The following NUDCD3 variants were observed in gnomAD, a reference collection of about 807,000 sequenced individuals.
The protein encoded by NUDCD3 is nudC domain-containing protein 3.
In NUDCD3, 13 loss-of-function variants were observed where a neutral mutation model predicts 39.7. The ratio of observed to expected loss-of-function variants is 0.33; its 90% CI spans 0.21 to 0.52. The LOEUF (loss-of-function observed/expected upper bound fraction) is 0.52. NUDCD3 is among the 20% of genes least tolerant of loss of function. NUDCD3 has a pLI of 0.96. For synonymous variants in NUDCD3, 175 were observed against 172.4 expected (o/e 1.02, Z -0.12); for missense variants, 453 against 458.1 (o/e 0.99, Z 0.10).
chr7:44,386,295 G>A (rs1477874689), intron 5 of NUDCD3, among the ~76,000 whole-genome samples, 174 bp from the exon 6 acceptor site: 1 of 152,188 alleles, frequency 6.6e-6, no homozygotes, highest in East Asian at 1.9e-4. Context: ...CTTCGACCAA[G>A]GGAGGTACTG....
At chr7:44,437,069 C>CTTTTTTTT (rs35904938) in intron 2 of NUDCD3, among the ~76,000 whole-genome samples, 4 of 117,278 alleles carry the variant, frequency 3.4e-5, no homozygotes, top group Admixed American at 8.8e-5. Context: ...CTTTTCTTTT[C>CTTTTTTTT]TTTTTTTTTT....
chr7:44,394,206 G>A (rs979463726), intron 4 of NUDCD3, among the ~76,000 whole-genome samples: 1 of 152,048 alleles, frequency 6.6e-6, no homozygotes, highest in Non-Finnish European at 1.5e-5. Flanking sequence ...CTGACATTCC[G>A]AATGCAGATA....
At chr7:44,461,606 T>C (rs995740062) in intron 2 of NUDCD3, among the ~76,000 whole-genome samples, 4 of 152,000 alleles carry the variant, frequency 2.6e-5, no homozygotes, top group African/African-American at 7.3e-5. Context: ...ACCTATACCA[T>C]TGAAAGTGAA....
At chr7:44,483,070 G>GTGTGTGTGTGTGTGTGTGTA (rs1248206212) in intron 2 of NUDCD3, among the ~76,000 whole-genome samples, 1 of 149,742 alleles carries the variant, frequency 6.7e-6, no homozygotes, top group Non-Finnish European at 1.5e-5. Context: ...CCTCCTAAGT[G>GTGTGTGTGTGTGTGTGTGTA]TGTGTGTGTG....
chr7:44,414,898 A>G (rs182155779), intron 3 of NUDCD3, among the ~76,000 whole-genome samples: 2 of 152,294 alleles, frequency 1.3e-5, no homozygotes, highest in African/African-American at 4.8e-5. Context: ...GCCATAAATG[A>G]CACACCTAGT....
intron 2 of NUDCD3, among the ~76,000 whole-genome samples, chr7:44,434,783 C>A (rs1270625993): frequency 2.6e-5 from 4 of 152,202 alleles, no homozygotes; most frequent in African/African-American, 9.7e-5. Context: ...CCCAGCTTCC[C>A]CGCACAGCAA....
intron 5 of NUDCD3, among the ~76,000 whole-genome samples, chr7:44,389,329 T>A (rs984113198): frequency 6.6e-6 from 1 of 152,184 alleles, no homozygotes; most frequent in African/African-American, 2.4e-5. Flanking sequence ...TTACCTGGAA[T>A]GAACAGACCT....
chr7:44,397,413 C>G (rs563645996), intron 4 of NUDCD3, among the ~76,000 whole-genome samples: 2 of 152,244 alleles, frequency 1.3e-5, no homozygotes, highest in South Asian at 4.1e-4. Context: ...CCAGACTGAC[C>G]ACTCTGCTGC....
Position 44,485,109 on chromosome 7 carries a change from T to A in NUDCD3, c.368A>T (p.Glu123Val), listed in dbSNP as rs201221635. The change falls in exon 2 of 6, where the codon GAA becomes GTA. Residue 123 changes from glutamate to valine, a missense_variant. Glu to Val is a moderately radical substitution (Grantham distance 121). Coordinates refer to ENST00000355451, the MANE Select transcript of NUDCD3 (RefSeq NM_015332.4). ...CTCTACTTCCTGATGCCCATCCAAT[T>A]CTGTGGTGGAGTCAATCTCTATTTC... is the stretch of plus-strand genomic sequence containing the variant. Reference protein sequence around the residue: ...VQEIEIDSTTELDGHQEVEKV... With the variant: ...VQEIEIDSTTVLDGHQEVEKV... The A allele has an allele frequency of 1.2e-3, 1,879 of 1,614,142 alleles. 19 individuals carry two copies. In the African/African-American group the frequency reaches 0.022, roughly 19 times the overall value.
At position 44,437,054 on chromosome 7, in the gene NUDCD3, TTTTTC is replaced by T. The variant is rs548771647; in HGVS notation, c.510-9356_510-9352del. 2.4e-3 allele frequency among the ~76,000 whole-genome samples: 360 copies of T among 150,452 alleles called. 4 individuals are homozygous for T. The highest frequency in any genetic ancestry group is 7.8e-3 in the African/African-American group (318 of 41,004). ...TTTATTCTCTACTTGTTATTACCCC[TTTTTC>T]TTTTCTTTTCTTTTTTTTTTTTTTT... On this transcript the variant is annotated intron_variant, in intron 2 of 5. Transcript: ENST00000355451.
intron 3 of NUDCD3, among the ~76,000 whole-genome samples, chr7:44,412,909 A>C (rs1237382458): frequency 1.4e-5 from 2 of 147,054 alleles, no homozygotes; most frequent in South Asian, 4.4e-4. Context: ...CCTGGGCGAC[A>C]GAGCGAGACG....
chr7:44,422,330 A>G lies in NUDCD3; in HGVS notation c.642+5241T>C, dbSNP rs1585068214. On this transcript the variant is annotated intron_variant, in intron 3 of 5. Transcript: ENST00000355451. Reference sequence around the variant, plus strand: ...AGATAGAGACATGAAAAACTCTTAGAAAAAAATCAATGAATCCAGGAGCTG... The same window carrying G: ...AGATAGAGACATGAAAAACTCTTAGGAAAAAATCAATGAATCCAGGAGCTG... Among the ~76,000 whole-genome samples, 6 of 152,260 alleles carry G rather than the reference A, an allele frequency of 3.9e-5. No homozygotes were observed. In the South Asian group the frequency reaches 8.3e-4, roughly 21 times the overall value.
chr7:44,440,888 T>C lies in NUDCD3; in HGVS notation c.510-13185A>G, dbSNP rs113906431. On this transcript the variant is annotated intron_variant, in intron 2 of 5. Coordinates refer to ENST00000355451, the MANE Select transcript of NUDCD3 (RefSeq NM_015332.4). ...CTCACCAACATGAGGCTATTAGTAA[T>C]ACCTGAGTTAACAGTTTCCTTCCCT... 2.3e-3 allele frequency among the ~76,000 whole-genome samples: 355 copies of C among 152,324 alleles called. 2 individuals carry two copies. Among genetic ancestry groups the C allele is most frequent in the African/African-American group, 7.9e-3 (327 of 41,568 alleles).
At chr7:44,435,884 C>CGTA (rs927148239) in intron 2 of NUDCD3, among the ~76,000 whole-genome samples, 1 of 152,186 alleles carries the variant, frequency 6.6e-6, no homozygotes, top group African/African-American at 2.4e-5. Context: ...GTCTGAATAC[C>CGTA]ACTTTACAAT....
rs1184616760 is a variant in NUDCD3 at position 44,490,427 on chromosome 7, C to A, written c.174G>T (p.Ala58=). Residue 58 remains alanine (A), a synonymous_variant, in exon 1 of 6, where the codon GCG becomes GCT. Transcript: ENST00000355451. ...GCCTCACCTGCAGCACCAAGGCCTG[C>A]GCGGCCCCGGGCGGGAAGCCCATGC... ...SDRMGFPPGA[A]QALVLQVFKT... is the part of the protein sequence containing the mutation. 6.3e-7 allele frequency: 1 copy of A among 1,576,164 alleles called. No individual in the cohort carries two copies. Among genetic ancestry groups the A allele is most frequent in the Non-Finnish European group, 8.6e-7 (1 of 1,162,080 alleles).
chr7:44,385,827 C>T lies in NUDCD3; in HGVS notation c.*184G>A. The T allele has an allele frequency of 1.7e-6, 1 of 586,976 alleles. No individual in the cohort carries two copies. Among genetic ancestry groups the T allele is most frequent in the Non-Finnish European group, 3.0e-6 (1 of 328,574 alleles). The allele number at this position is 586,976 out of a possible 1,614,324, so 36.4% of individuals were successfully genotyped here. ...GCGGCCACCACATAGCAGCTGGCCC[C>T]GCACCTTCTCTGGAACAGTCTGGAG... On this transcript the variant is annotated 3_prime_UTR_variant, in exon 6 of 6. Coordinates refer to ENST00000355451, the MANE Select transcript of NUDCD3 (RefSeq NM_015332.4).
chr7:44,416,508 TA>T (rs1362861906), intron 3 of NUDCD3, among the ~76,000 whole-genome samples: 1 of 148,334 alleles, frequency 6.7e-6, no homozygotes, highest in Non-Finnish European at 1.5e-5. Context: ...AAATAAAAAA[TA>T]AAAAAAATAA....
chr7:44,402,815 G>GT, intron 4 of NUDCD3: 1 of 404,100 alleles, frequency 2.5e-6, no homozygotes, highest in Non-Finnish European at 5.1e-6. Context: ...GCTCACTAGT[G>GT]TAATACAGGC....
chr7:44,463,275 C>A (rs767603078), intron 2 of NUDCD3, among the ~76,000 whole-genome samples: 1 of 152,154 alleles, frequency 6.6e-6, no homozygotes, highest in Non-Finnish European at 1.5e-5. Context: ...CTCACTTGAA[C>A]CTAAGTGGCA....
Sources: allele counts gnomAD v4.1 joint callset (sites outside exome capture counted in the v4.1 genomes callset), GRCh38; gene constraint gnomAD v4.1.1; transcripts MANE v1.5; gene names NCBI Gene and HGNC (gene_info 2026-07-23, HGNC 2026-07-21).